Variants in CTDP1 observed in about 807,000 individuals in gnomAD.
CTDP1 encodes the protein RNA polymerase II subunit A C-terminal domain phosphatase.
A neutral mutation model predicts 91.8 loss-of-function variants in CTDP1; 47 were observed. The ratio of observed to expected loss-of-function variants is 0.51; its 90% CI spans 0.41 to 0.65. The LOEUF (loss-of-function observed/expected upper bound fraction) is 0.65, where lower values mean the gene tolerates loss of function less well. Ranked by LOEUF, CTDP1 falls within the 30% of genes least tolerant of loss-of-function variation. CTDP1 has a pLI of 0.00. For missense variants in CTDP1, 1,272 were observed against 1,373.7 expected (o/e 0.93, Z 1.17); for synonymous variants, 656 against 598.5 (o/e 1.10, Z -1.40).
At chr18:79,728,845 G>A (rs1314664452) in intron 10 of CTDP1, 62 bp from the exon 11 acceptor site, 2 of 1,591,744 alleles carry the variant, frequency 1.3e-6, no homozygotes, top group African/African-American at 1.3e-5. Flanking sequence ...AGTCTGATTC[G>A]GTGCGGAAAA....
At chr18:79,734,853 T>G (rs892277397) in intron 11 of CTDP1, among the ~76,000 whole-genome samples, 3 of 152,242 alleles carry the variant, frequency 2.0e-5, no homozygotes, top group Non-Finnish European at 2.9e-5. Context: ...AACCAGATGC[T>G]CTTATTAAAT....
chr18:79,718,836 G>A (rs1054641827), intron 10 of CTDP1, among the ~76,000 whole-genome samples: 7 of 152,190 alleles, frequency 4.6e-5, no homozygotes, highest in Admixed American at 4.6e-4. Context: ...GAAGCCGTCT[G>A]ACAGGTCACA....
In CTDP1 at chr18:79,695,275, G is replaced by A. The variant is rs540073859; in HGVS notation, c.365G>A (p.Gly122Asp). 5 of 1,614,178 alleles carry A rather than the reference G, an allele frequency of 3.1e-6. No individual in the cohort carries two copies. The Admixed American group carries it at 8.3e-5, about 27-fold the overall frequency. Residue 122 changes from glycine to aspartate, a missense_variant, in exon 2 of 13, where the codon GGC (glycine) becomes GAC (aspartate). This residue lies in a region of CTDP1 where 177 missense variants were observed against 283.0 expected (regional missense o/e 0.63). Transcript: ENST00000613122. ...EGCSHPVVMK[G>D]LCAECGQDLT... Reference sequence around the variant, plus strand: ...TGCAGCCACCCGGTTGTCATGAAAGGCCTGTGTGCTGAATGTGGCCAAGAC... The same window carrying A: ...TGCAGCCACCCGGTTGTCATGAAAGACCTGTGTGCTGAATGTGGCCAAGAC...
At position 79,680,022 on chromosome 18, in the gene CTDP1, G is replaced by C; in HGVS notation, c.75G>C (p.Pro25=). 3.9e-6 allele frequency: 5 copies of C among 1,269,898 alleles called. No homozygotes were observed. The highest frequency in any genetic ancestry group is 2.5e-5 in the South Asian group (1 of 39,526). 78.7% of individuals were successfully genotyped at this position (1,269,898 alleles called of 1,614,324 possible). ...CGGCTGTGGCCGAGGTGCGCTGCCCGGGGCCCGCGCCGCTGCGCCTGCTGG... is the reference window on the plus strand; with the variant it reads ...CGGCTGTGGCCGAGGTGCGCTGCCCCGGGCCCGCGCCGCTGCGCCTGCTGG... ...PTAAVAEVRC[P]GPAPLRLLEW... is the part of the protein sequence containing the mutation. The change falls in exon 1 of 13, where the codon CCG becomes CCC. Residue 25 remains proline, a synonymous_variant. Transcript: ENST00000613122.
chr18:79,742,936 A>G (rs890651651), intron 12 of CTDP1, among the ~76,000 whole-genome samples: 1 of 152,236 alleles, frequency 6.6e-6, no homozygotes, highest in Non-Finnish European at 1.5e-5. Flanking sequence ...CGCCTGGGCC[A>G]CAGAGCAAGA....
chr18:79,705,906 G>GCATA (rs2085958776), intron 5 of CTDP1, among the ~76,000 whole-genome samples: 2 of 152,220 alleles, frequency 1.3e-5, no homozygotes, highest in African/African-American at 4.8e-5. Flanking sequence ...GGCTGCTGCT[G>GCATA]CATAGCTGCC....
In CTDP1 at chr18:79,715,518, C is replaced by T. The variant is rs749653694; in HGVS notation, c.2058C>T (p.Ala686=). 2.4e-5 allele frequency: 38 copies of T among 1,553,368 alleles called. No homozygotes were observed. The highest frequency in any genetic ancestry group is 3.0e-5 in the Non-Finnish European group (35 of 1,152,818). ...DAPDRATHLI[A]ARAGTEKVLQ... ...CTGACAGGGCCACGCACCTGATCGCCGCGCGAGCTGGTGAGTGCTGCCTCC... is the reference window on the plus strand; with the variant it reads ...CTGACAGGGCCACGCACCTGATCGCTGCGCGAGCTGGTGAGTGCTGCCTCC... The change falls in exon 8 of 13, where the codon GCC becomes GCT. Residue 686 remains alanine, a synonymous_variant. Transcript: ENST00000613122.
intron 10 of CTDP1, among the ~76,000 whole-genome samples, chr18:79,727,752 G>A (rs1053826116): frequency 6.6e-5 from 10 of 152,060 alleles, no homozygotes; most frequent in South Asian, 2.1e-4. Context: ...TGCCTGTCCC[G>A]AGCGAGTTGG....
chr18:79,717,495 T>C (rs2086238739), intron 8 of CTDP1, 40 bp from the exon 9 acceptor site: 2 of 1,609,676 alleles, frequency 1.2e-6, no homozygotes, highest in Non-Finnish European at 1.7e-6. Flanking sequence ...GAGCCTCCAG[T>C]GCTGGCCGGA....
At chr18:79,704,560 G>A (rs144194445) in intron 4 of CTDP1, among the ~76,000 whole-genome samples, 146 of 152,350 alleles carry the variant, frequency 9.6e-4, no homozygotes, top group Non-Finnish European at 6.3e-4. Flanking sequence ...TGTCCCATGT[G>A]GAGGGATGGG....
At chr18:79,693,402 A>G (rs1465019402) in intron 1 of CTDP1, among the ~76,000 whole-genome samples, 1 of 152,142 alleles carries the variant, frequency 6.6e-6, no homozygotes, top group Non-Finnish European at 1.5e-5. Flanking sequence ...AGTTTAACAC[A>G]CTTTTTCAAA....
intron 4 of CTDP1, among the ~76,000 whole-genome samples, chr18:79,700,789 AGAG>A (rs1409945661): frequency 1.3e-5 from 2 of 152,216 alleles, no homozygotes; most frequent in Non-Finnish European, 2.9e-5. Flanking sequence ...TCATAGCTGG[AGAG>A]GAGAAGTCAG....
At chr18:79,732,036 C>G (rs944122427) in intron 11 of CTDP1, among the ~76,000 whole-genome samples, 5 of 150,066 alleles carry the variant, frequency 3.3e-5, no homozygotes, top group Non-Finnish European at 5.9e-5. Context: ...AGGAGTGCTC[C>G]CAAAATCACA....
chr18:79,699,662 T>C (rs373948323), intron 4 of CTDP1, among the ~76,000 whole-genome samples: 17 of 152,256 alleles, frequency 1.1e-4, no homozygotes, highest in African/African-American at 4.1e-4. Context: ...CCTTCATGAG[T>C]TGCTGTGGCT....
Position 79,710,275 on chromosome 18 carries a change from G to C in CTDP1, c.773-71G>C. The stretch of plus-strand genomic sequence containing the variant: ...CTGCCACTTTAAAAAAAACATTCAA[G>C]GCTTCACCATGTGCCGTGTGACCGA... On this transcript the variant is annotated intron_variant, in intron 5 of 12. Transcript: ENST00000613122. 4 of 1,192,774 alleles carry C rather than the reference G, an allele frequency of 3.4e-6. No homozygotes were observed. The East Asian group carries it at 7.0e-5, about 21-fold the overall frequency. The allele number at this position is 1,192,774 out of a possible 1,614,324, so 73.9% of individuals were successfully genotyped here.
At chr18:79,748,986 G>A (rs1159090430) in intron 12 of CTDP1, among the ~76,000 whole-genome samples, 2 of 152,248 alleles carry the variant, frequency 1.3e-5, no homozygotes, top group Non-Finnish European at 1.5e-5. Flanking sequence ...GGTCCCTTCC[G>A]TGGGCTCGGT....
chr18:79,730,449 T>G (rs2086542033), intron 11 of CTDP1, among the ~76,000 whole-genome samples: 1 of 152,242 alleles, frequency 6.6e-6, no homozygotes, highest in Non-Finnish European at 1.5e-5. Context: ...CAGGCAGTGG[T>G]GACAACTGGT....
At chr18:79,722,254 G>C (rs1160928802) in intron 10 of CTDP1, among the ~76,000 whole-genome samples, 1 of 152,198 alleles carries the variant, frequency 6.6e-6, no homozygotes, top group Non-Finnish European at 1.5e-5. Flanking sequence ...CTAATAACAT[G>C]GCAGCCGATA....
chr18:79,685,327 C>T (rs1406524457), intron 1 of CTDP1: 1 of 152,102 alleles, frequency 6.6e-6, no homozygotes, highest in Non-Finnish European at 1.5e-5. Context: ...CTGCAGATTT[C>T]TTTGCTTTGG....
Sources: allele counts gnomAD v4.1 joint callset (sites outside exome capture counted in the v4.1 genomes callset), GRCh38; gene constraint gnomAD v4.1.1; regional missense constraint gnomAD v4.1.1; transcripts MANE v1.5; gene names NCBI Gene and HGNC (gene_info 2026-07-23, HGNC 2026-07-21).